The following AGRN variants were observed in gnomAD, a reference collection of about 807,000 sequenced individuals.
AGRN encodes the protein agrin, also known as agrin proteoglycan.
In AGRN, 106 loss-of-function variants were observed where a neutral mutation model predicts 211.0. That is an observed-to-expected ratio of 0.50 (90% confidence interval 0.43 to 0.59). The LOEUF (loss-of-function observed/expected upper bound fraction) is 0.59, where lower values mean the gene tolerates loss of function less well. Ranked by LOEUF, AGRN falls within the 20% of genes least tolerant of loss-of-function variation. The pLI, the probability that AGRN is intolerant of heterozygous loss-of-function variation, is 0.00. For synonymous variants in AGRN, 1,525 were observed against 1,332.5 expected (o/e 1.14, Z -3.15); for missense variants, 3,040 against 2,982.6 (o/e 1.02, Z -0.45).
chr1:1,033,402 C>A (rs986106509), intron 2 of AGRN, among the ~76,000 whole-genome samples: 1 of 151,640 alleles, frequency 6.6e-6, no homozygotes, highest in Admixed American at 6.6e-5. Flanking sequence ...CGCGGCCCCC[C>A]GAGCCCCCTG....
rs1212142574 is a variant in AGRN at position 1,046,267 on chromosome 1, TGA to T, written c.2911+4_2911+5del. 6.2e-7 allele frequency: 1 copy of T among 1,612,978 alleles called. No individual in the cohort carries two copies. ...TCCAGAGCCTGGGCCCGTGCCAGGG[TGA>T]GGCCTGACGGCCACTGCCCCAGAAC... On this transcript the variant is annotated splice_donor_region_variant and intron_variant, in intron 17 of 35. Coordinates refer to ENST00000379370, the MANE Select transcript of AGRN (RefSeq NM_198576.4).
chr1:1,033,974 C>A, intron 2 of AGRN: 1 of 309,946 alleles, frequency 3.2e-6, no homozygotes, highest in Non-Finnish European at 4.7e-6. Context: ...GCCCTCCCTC[C>A]GCGGCGTCTT....
intron 3 of AGRN, 149 bp downstream of exon 3, chr1:1,035,473 G>A: frequency 1.1e-5 from 12 of 1,086,890 alleles, no homozygotes; most frequent in East Asian, 2.4e-5. Flanking sequence ...CTGGGAGTCC[G>A]CAGCGGTGGG....
chr1:1,033,458 C>T (rs1345582565), intron 2 of AGRN, among the ~76,000 whole-genome samples: 3 of 151,550 alleles, frequency 2.0e-5, no homozygotes, highest in Non-Finnish European at 4.4e-5. Context: ...CGGACCCGCC[C>T]GGCCCAGCTC....
chr1:1,043,036 A>T (rs1644987561), intron 7 of AGRN, among the ~76,000 whole-genome samples: 1 of 151,704 alleles, frequency 6.6e-6, no homozygotes, highest in Admixed American at 6.6e-5. Flanking sequence ...GCCACCGGGG[A>T]CTCCTGGGTG....
intron 3 of AGRN, among the ~76,000 whole-genome samples, chr1:1,035,973 G>A (rs1457568847): frequency 6.6e-6 from 1 of 152,148 alleles, no homozygotes; most frequent in Non-Finnish European, 1.5e-5. Context: ...GGGGAAGAGA[G>A]GAAGTGGTCA....
In AGRN at chr1:1,042,249, A is replaced by G. The variant is rs3748600; in HGVS notation, c.1384+87A>G. The G allele has an allele frequency of 1.1e-4, 165 of 1,450,440 alleles. 1 individual carries two copies. The East Asian group carries it at 3.6e-3, about 32-fold the overall frequency. The allele number at this position is 1,450,440 out of a possible 1,614,324, so 89.8% of individuals were successfully genotyped here. A position where few individuals can be genotyped will look rare whatever the true frequency, so the allele number is the denominator to read the frequency against. On this transcript the variant is annotated intron_variant, in intron 7 of 35. Coordinates refer to ENST00000379370, the MANE Select transcript of AGRN (RefSeq NM_198576.4). Reference sequence around the variant, plus strand: ...ACATCACATGCCATCTTCATCCATCATGTTCCTCTTGGGGTCCTGGGAGTG... The same window carrying G: ...ACATCACATGCCATCTTCATCCATCGTGTTCCTCTTGGGGTCCTGGGAGTG...
Position 1,045,165 on chromosome 1 carries a change from C to T in AGRN, c.2259C>T (p.Pro753=). 2 of 1,612,228 alleles carry T rather than the reference C, an allele frequency of 1.2e-6. No individual in the cohort carries two copies. Among genetic ancestry groups the T allele is most frequent in the Non-Finnish European group, 1.7e-6 (2 of 1,179,954 alleles). Reference sequence around the variant, plus strand: ...GTCCCGTACCCTTTCCTGCAGGCCCCACCTTCGCCCCGCTGCCGCCTGTGG... The same window carrying T: ...GTCCCGTACCCTTTCCTGCAGGCCCTACCTTCGCCCCGCTGCCGCCTGTGG... ...YVAAQGACRG[P]TFAPLPPVAP... Residue 753 remains proline, a synonymous_variant, in exon 13 of 36, where the codon CCC becomes CCT. Transcript: ENST00000379370.
chr1:1,024,789 C>A (rs1054656738), intron 2 of AGRN, among the ~76,000 whole-genome samples: 3 of 152,214 alleles, frequency 2.0e-5, no homozygotes, highest in Admixed American at 1.3e-4. Context: ...GCTCCTCCCC[C>A]CTTCTCTGCC....
At chr1:1,030,863 A>AGT (rs1644654968) in intron 2 of AGRN, among the ~76,000 whole-genome samples, 1 of 86,798 alleles carries the variant, frequency 1.2e-5, no homozygotes, top group Non-Finnish European at 2.1e-5. Context: ...GTGTGTGTGC[A>AGT]GTGCATGGTG....
At chr1:1,051,016 G>T in intron 30 of AGRN, 179 bp downstream of exon 30, 1 of 1,549,320 alleles carries the variant, frequency 6.5e-7, no homozygotes, top group Non-Finnish European at 8.7e-7. Flanking sequence ...AACCCCACCC[G>T]CTCTTCGGAG....
intron 12 of AGRN, among the ~76,000 whole-genome samples, chr1:1,044,690 G>A (rs1044983327): frequency 2.0e-5 from 3 of 152,194 alleles, no homozygotes; most frequent in Non-Finnish European, 4.4e-5. Context: ...ACCATGCGGG[G>A]CCCCACCGTG....
rs370369992 is a variant in AGRN at position 1,046,278 on chromosome 1, G to A, written c.2911+13G>A. 81 of 1,612,846 alleles carry A rather than the reference G, an allele frequency of 5.0e-5. No individual in the cohort carries two copies. Among genetic ancestry groups the A allele is most frequent in the Non-Finnish European group, 5.8e-5 (69 of 1,179,898 alleles). On this transcript the variant is annotated intron_variant, in intron 17 of 35. Transcript: ENST00000379370. ...GGCCCGTGCCAGGGTGAGGCCTGAC[G>A]GCCACTGCCCCAGAACTGACCAGGA... is the stretch of plus-strand genomic sequence containing the variant.
rs750678456 is a variant in AGRN at position 1,042,174 on chromosome 1, G to A, written c.1384+12G>A. ...CCAGGGCCCGTGTGGTGAGCGCCCCGGGGTGGAGGCCAGGCGGGGTGGGCT... is the reference window on the plus strand; with the variant it reads ...CCAGGGCCCGTGTGGTGAGCGCCCCAGGGTGGAGGCCAGGCGGGGTGGGCT... On this transcript the variant is annotated intron_variant, in intron 7 of 35. Coordinates refer to ENST00000379370, the MANE Select transcript of AGRN (RefSeq NM_198576.4). The A allele has an allele frequency of 3.2e-5, 51 of 1,586,646 alleles. No individual in the cohort carries two copies. In the East Asian group the frequency reaches 3.8e-4, roughly 12 times the overall value.
At position 1,048,748 on chromosome 1, in the gene AGRN, A is replaced by G; in HGVS notation, c.4106-119A>G. On this transcript the variant is annotated intron_variant, in intron 23 of 35. Transcript: ENST00000379370. The surrounding 1 kb of genome is among the most constrained non-coding windows in gnomAD (Gnocchi z 5.9). ...CGCCACTGCACTCCAGCCGGGGCAAAAAGAGCAAAACTCCGTCTCAAAAAA... is the reference window on the plus strand; with the variant it reads ...CGCCACTGCACTCCAGCCGGGGCAAGAAGAGCAAAACTCCGTCTCAAAAAA... 2 of 1,264,396 alleles carry G rather than the reference A, an allele frequency of 1.6e-6. No homozygotes were observed. Among genetic ancestry groups the G allele is most frequent in the Non-Finnish European group, 2.1e-6 (2 of 943,768 alleles). 78.3% of individuals were successfully genotyped at this position (1,264,396 alleles called of 1,614,324 possible).
At chr1:1,029,460 T>C (rs4970343) in intron 2 of AGRN, among the ~76,000 whole-genome samples, 117,037 of 133,062 alleles carry the variant, frequency 0.88, 52,023 homozygotes, top group East Asian at 1. Context: ...GGACATCCCG[T>C]GTCTATGAGG....
intron 19 of AGRN, 152 bp downstream of exon 19, chr1:1,047,109 C>T (rs1033098496): frequency 5.0e-6 from 7 of 1,400,376 alleles, no homozygotes; most frequent in Non-Finnish European, 5.7e-6. Context: ...CCACGCCTAA[C>T]CCGTCTCTCT....
chr1:1,025,329 G>A (rs1047968108), intron 2 of AGRN, among the ~76,000 whole-genome samples: 1 of 152,154 alleles, frequency 6.6e-6, no homozygotes, highest in African/African-American at 2.4e-5. Context: ...TCCCTGCCTG[G>A]CCAGCTGCCT....
At chr1:1,044,586 T>C in intron 12 of AGRN, 147 bp downstream of exon 12, 1 of 853,112 alleles carries the variant, frequency 1.2e-6, no homozygotes, top group Non-Finnish European at 1.8e-6. Context: ...TGTTGGTGCC[T>C]GTGCACATTT....
Sources: allele counts gnomAD v4.1 joint callset (sites outside exome capture counted in the v4.1 genomes callset), GRCh38; gene constraint gnomAD v4.1.1; non-coding constraint Gnocchi (gnomAD v3.1); transcripts MANE v1.5; gene names NCBI Gene and HGNC (gene_info 2026-07-23, HGNC 2026-07-21).